The following GABRG2 variants were observed in gnomAD, a reference collection of about 807,000 sequenced individuals.
GABRG2 encodes gamma-aminobutyric acid type A receptor subunit gamma2, also known as gamma-aminobutyric acid receptor subunit gamma-2.
A neutral mutation model predicts 56.4 loss-of-function variants in GABRG2; 16 were observed. The observed-to-expected ratio is 0.28, with a 90% CI of 0.19 to 0.43. The LOEUF (loss-of-function observed/expected upper bound fraction) is 0.43, where lower values mean the gene tolerates loss of function less well. Among genes scored for constraint, GABRG2 ranks in the 20% least tolerant of loss-of-function variants. The pLI, the probability that GABRG2 is intolerant of heterozygous loss-of-function variation, is 1.00. For missense variants in GABRG2, 327 were observed against 582.7 expected, an observed-to-expected ratio of 0.56 and a Z score of 4.52; for synonymous variants, 208 against 205.5, an observed-to-expected ratio of 1.01 and a Z score of -0.10.
Position 162,153,488 on chromosome 5 carries a change from TC to T in GABRG2, c.*122del. The stretch of plus-strand genomic sequence containing the variant: ...ATAATGATCTGAATCTGTTTCTATG[TC>T]CAAACCTGGTAAATTTTATAATGTC... On this transcript the variant is annotated 3_prime_UTR_variant, in exon 10 of 10. Transcript: ENST00000639213. 1.6e-6 allele frequency: 2 copies of T among 1,232,832 alleles called. No individual in the cohort carries two copies. Among genetic ancestry groups the T allele is most frequent in the Non-Finnish European group, 2.4e-6 (2 of 843,022 alleles). 76.4% of individuals were successfully genotyped at this position (1,232,832 alleles called of 1,614,324 possible).
intron 2 of GABRG2, chr5:162,094,708 G>A (rs1260384666): frequency 6.6e-6 from 1 of 152,410 alleles, no homozygotes; most frequent in Non-Finnish European, 1.5e-5. Flanking sequence ...GCCGGTTATA[G>A]AGAATTCAGT....
chr5:162,127,824 A>G (rs1029898345), intron 6 of GABRG2, among the ~76,000 whole-genome samples: 3 of 152,040 alleles, frequency 2.0e-5, no homozygotes, highest in African/African-American at 7.2e-5. Context: ...GAAACTGACG[A>G]TCGAAGGATT....
In GABRG2 at chr5:162,155,115, T is replaced by C. The variant is rs1753769395; in HGVS notation, c.*1747T>C. ...GAGTGGCTTTGTCAGTATAAAACCA[T>C]GTAAAGTCATCATCAAGTCATCTGG... On this transcript the variant is annotated 3_prime_UTR_variant, in exon 10 of 10. Coordinates refer to ENST00000639213, the MANE Select transcript of GABRG2 (RefSeq NM_198904.4). The C allele has an allele frequency of 6.6e-6, 1 of 152,526 alleles. No homozygotes were observed. The highest frequency in any genetic ancestry group is 1.5e-5 in the Non-Finnish European group (1 of 68,018). 9.4% of individuals were successfully genotyped at this position (152,526 alleles called of 1,614,324 possible). A position where few individuals can be genotyped will look rare whatever the true frequency, so the allele number is the denominator to read the frequency against.
At chr5:162,082,030 C>T (rs1251592450) in intron 1 of GABRG2, among the ~76,000 whole-genome samples, 1 of 151,820 alleles carries the variant, frequency 6.6e-6, no homozygotes, top group Non-Finnish European at 1.5e-5. Flanking sequence ...ATTCAGTTTT[C>T]TAGACAAAAT....
At chr5:162,078,607 A>G (rs111917415) in intron 1 of GABRG2, among the ~76,000 whole-genome samples, 40 of 150,874 alleles carry the variant, frequency 2.7e-4, no homozygotes, top group African/African-American at 9.0e-4. Context: ...AGGTTTCACC[A>G]TGTTAGCCAG....
Position 162,153,617 on chromosome 5 carries a change from C to T in GABRG2, c.*249C>T. The T allele has an allele frequency of 1.7e-6, 1 of 576,740 alleles. No individual in the cohort carries two copies. Among genetic ancestry groups the T allele is most frequent in the Non-Finnish European group, 3.1e-6 (1 of 323,206 alleles). 35.7% of individuals were successfully genotyped at this position (576,740 alleles called of 1,614,324 possible). A position where few individuals can be genotyped will look rare whatever the true frequency, so the allele number is the denominator to read the frequency against. ...AAAGTAAAATTAGAGCAAGAACATT[C>T]AAACCAAATAAGATATTTTTCAGCT... is the stretch of plus-strand genomic sequence containing the variant. On this transcript the variant is annotated 3_prime_UTR_variant, in exon 10 of 10. Coordinates refer to ENST00000639213, the MANE Select transcript of GABRG2 (RefSeq NM_198904.4).
intron 1 of GABRG2, among the ~76,000 whole-genome samples, chr5:162,086,704 C>A (rs1336036264): frequency 1.3e-5 from 2 of 151,750 alleles, no homozygotes; most frequent in Non-Finnish European, 2.9e-5. Flanking sequence ...CATATTTGCC[C>A]ATGTATATAA....
chr5:162,077,104 T>TGTGTGTGTGA (rs1295509612), intron 1 of GABRG2, among the ~76,000 whole-genome samples: 2 of 142,780 alleles, frequency 1.4e-5, no homozygotes, highest in African/African-American at 5.5e-5. Context: ...TGTGTGTGTG[T>TGTGTGTGTGA]GTGTGTGATG....
At chr5:162,113,194 C>T (rs1405628128) in intron 6 of GABRG2, among the ~76,000 whole-genome samples, 1 of 152,104 alleles carries the variant, frequency 6.6e-6, no homozygotes, top group Non-Finnish European at 1.5e-5. Context: ...TCTGCCTAGG[C>T]CTCCCAAAGT....
intron 1 of GABRG2, among the ~76,000 whole-genome samples, chr5:162,086,048 G>C (rs143754692): frequency 1.3e-5 from 2 of 151,350 alleles, no homozygotes; most frequent in Admixed American, 6.6e-5. Flanking sequence ...AAACATACTC[G>C]TGCATGCTTT....
chr5:162,109,420 A>ATATATATATTTATTTATTTATT (rs1424412323), intron 6 of GABRG2, among the ~76,000 whole-genome samples: 60 of 116,108 alleles, frequency 5.2e-4, no homozygotes, highest in African/African-American at 1.3e-3. Context: ...ATATATATAT[A>ATATATATATTTATTTATTTATT]TATTTATTTA....
chr5:162,118,053 C>G lies in GABRG2; in HGVS notation c.769+14027C>G, dbSNP rs536200472. Among the ~76,000 whole-genome samples, 7 of 152,008 alleles carry G rather than the reference C, an allele frequency of 4.6e-5. 1 individual carries two copies. Among genetic ancestry groups the G allele is most frequent in the African/African-American group, 1.7e-4 (7 of 41,490 alleles). On this transcript the variant is annotated intron_variant, in intron 6 of 9. Coordinates refer to ENST00000639213, the MANE Select transcript of GABRG2 (RefSeq NM_198904.4). ...CCAGTATTTGATTTTAGACTCAGCC[C>G]CAGAATTTTTGTTGAGTCTTATTTG... is the stretch of plus-strand genomic sequence containing the variant.
At chr5:162,068,742 C>T (rs979522219) in intron 1 of GABRG2, among the ~76,000 whole-genome samples, 1 of 152,038 alleles carries the variant, frequency 6.6e-6, no homozygotes, top group Non-Finnish European at 1.5e-5. Flanking sequence ...CCTGATAGAA[C>T]GTCTCTAAAT....
chr5:162,138,315 C>T (rs189709658), intron 6 of GABRG2, among the ~76,000 whole-genome samples: 5 of 152,170 alleles, frequency 3.3e-5, no homozygotes, highest in Admixed American at 2.0e-4. Context: ...CAAATGAAAA[C>T]TCAATCAACT....
In GABRG2 at chr5:162,084,960, T is replaced by TA. The variant is rs796755407; in HGVS notation, c.108-8858dup. Reference sequence around the variant, plus strand: ...ATAGTGTATAAGTTCTACCATTTGATAAAAAAAAAATGCTGCATGAGACTA... The same window carrying TA: ...ATAGTGTATAAGTTCTACCATTTGATAAAAAAAAAAATGCTGCATGAGACTA... On this transcript the variant is annotated intron_variant, in intron 1 of 9. Coordinates refer to ENST00000639213, the MANE Select transcript of GABRG2 (RefSeq NM_198904.4). Among the ~76,000 whole-genome samples, 559 of 148,440 alleles carry TA rather than the reference T, an allele frequency of 3.8e-3. 4 individuals carry two copies. Among genetic ancestry groups the TA allele is most frequent in the African/African-American group, 0.011 (457 of 40,608 alleles).
chr5:162,079,212 A>G (rs1759447493), intron 1 of GABRG2, among the ~76,000 whole-genome samples: 1 of 152,104 alleles, frequency 6.6e-6, no homozygotes, highest in Non-Finnish European at 1.5e-5. Flanking sequence ...TTCCCTTTGC[A>G]CGTGCAGCTC....
At chr5:162,127,827 G>C (rs80174970) in intron 6 of GABRG2, among the ~76,000 whole-genome samples, 2,016 of 152,084 alleles carry the variant, frequency 0.013, 51 homozygotes, top group African/African-American at 0.045. Flanking sequence ...ACTGACGATC[G>C]AAGGATTTCA....
At chr5:162,120,684 A>G (rs1364038434) in intron 6 of GABRG2, among the ~76,000 whole-genome samples, 1 of 152,152 alleles carries the variant, frequency 6.6e-6, no homozygotes, top group Non-Finnish European at 1.5e-5. Flanking sequence ...GCCTATAAAT[A>G]GAAAATAAGT....
At chr5:162,148,821 A>G (rs1034352649) in intron 7 of GABRG2, among the ~76,000 whole-genome samples, 10 of 152,210 alleles carry the variant, frequency 6.6e-5, no homozygotes, top group African/African-American at 2.4e-4. Context: ...ATAATGTAAC[A>G]TTATACTTTT....
Sources: allele counts gnomAD v4.1 joint callset (sites outside exome capture counted in the v4.1 genomes callset), GRCh38; gene constraint gnomAD v4.1.1; transcripts MANE v1.5; gene names NCBI Gene and HGNC (gene_info 2026-07-23, HGNC 2026-07-21).